Variants in SRL observed in about 807,000 individuals in gnomAD.
SRL encodes the protein sarcalumenin.
In SRL, 23 loss-of-function variants were observed where a neutral mutation model predicts 39.5. The ratio of observed to expected loss-of-function variants is 0.58; its 90% CI spans 0.42 to 0.82. The LOEUF (loss-of-function observed/expected upper bound fraction) is 0.82, where lower values mean the gene tolerates loss of function less well. Among genes scored for constraint, SRL ranks in the 40% least tolerant of loss-of-function variants. SRL has a pLI of 0.00. For missense variants in SRL, 592 were observed against 607.8 expected (o/e 0.97, Z 0.27); for synonymous variants, 272 against 237.4 (o/e 1.15, Z -1.34).
intron 1 of SRL, among the ~76,000 whole-genome samples, chr16:4,230,528 G>A (rs890018169): frequency 7.3e-5 from 11 of 151,688 alleles, no homozygotes; most frequent in Admixed American, 7.2e-4. Context: ...TTACAGGCGG[G>A]CACCACTATG....
chr16:4,210,279 T>G (rs1485645386), intron 1 of SRL, among the ~76,000 whole-genome samples: 1 of 152,092 alleles, frequency 6.6e-6, no homozygotes, highest in Admixed American at 6.6e-5. Context: ...CAGAAAAATC[T>G]ATGGTGGGAA....
chr16:4,236,733 T>A (rs2052717987), intron 1 of SRL, among the ~76,000 whole-genome samples: 1 of 152,072 alleles, frequency 6.6e-6, no homozygotes, highest in South Asian at 2.1e-4. Context: ...AACCTCTGCC[T>A]CCCGGGTACA....
chr16:4,211,739 A>C (rs1240470765), intron 1 of SRL, among the ~76,000 whole-genome samples: 1 of 149,552 alleles, frequency 6.7e-6, no homozygotes, highest in African/African-American at 2.5e-5. Context: ...GATGATGAGG[A>C]TCGTGATGAT....
intron 1 of SRL, among the ~76,000 whole-genome samples, chr16:4,223,231 CAAAAA>C (rs34513855): frequency 1.9e-4 from 18 of 96,162 alleles, no homozygotes; most frequent in African/African-American, 5.8e-4. Context: ...AACTCTGTCT[CAAAAA>C]AAAAAAAAAA....
intron 1 of SRL, among the ~76,000 whole-genome samples, chr16:4,210,366 T>A (rs1185536570): frequency 2.6e-5 from 4 of 152,172 alleles, no homozygotes; most frequent in Non-Finnish European, 2.9e-5. Flanking sequence ...CATCTGTATG[T>A]ACATATCTGA....
At position 4,228,560 on chromosome 16, in the gene SRL, C is replaced by T. The variant is rs578063228; in HGVS notation, c.61+13447G>A. ...ACCATCCTGGCTAACACGGTGAAAC[C>T]CCGTCTCTACTAAAAATACAAAAAA... On this transcript the variant is annotated intron_variant, in intron 1 of 5. Transcript: ENST00000399609. Among the ~76,000 whole-genome samples, 3 of 151,864 alleles carry T rather than the reference C, an allele frequency of 2.0e-5. No individual in the cohort carries two copies. The South Asian group carries it at 6.2e-4, about 32-fold the overall frequency.
At chr16:4,234,904 T>G (rs535695946) in intron 1 of SRL, among the ~76,000 whole-genome samples, 70 of 152,238 alleles carry the variant, frequency 4.6e-4, no homozygotes, top group Non-Finnish European at 8.1e-4. Context: ...AGACCTTGCC[T>G]GCCAAATGGG....
At chr16:4,215,626 A>T (rs1469111670) in intron 1 of SRL, among the ~76,000 whole-genome samples, 1 of 152,190 alleles carries the variant, frequency 6.6e-6, no homozygotes. Flanking sequence ...CCAGCCAATA[A>T]GAGGGTCTAA....
rs1010093689 is a variant in SRL at position 4,204,548 on chromosome 16, A to G, written c.148T>C (p.Ser50Pro). 13 of 1,591,140 alleles carry G rather than the reference A, an allele frequency of 8.2e-6. No homozygotes were observed. The highest frequency in any genetic ancestry group is 1.1e-5 in the Non-Finnish European group (13 of 1,168,474). The change falls in exon 2 of 6, where the codon TCC (serine) becomes CCC (proline). Residue 50 changes from serine (S) to proline (P), a missense_variant. Transcript: ENST00000399609. ...CCCTGGTTACCAGAGTAGTCATCGGATGGCTTGTCCTCATTCAGCATGAGG... is the reference window on the plus strand; with the variant it reads ...CCCTGGTTACCAGAGTAGTCATCGGGTGGCTTGTCCTCATTCAGCATGAGG... ...KTLMLNEDKPSDDYSAVLQRL... is the reference protein window; with the variant it reads ...KTLMLNEDKPPDDYSAVLQRL...
intron 1 of SRL, among the ~76,000 whole-genome samples, chr16:4,210,552 G>A (rs1597279824): frequency 7.4e-6 from 1 of 134,496 alleles, no homozygotes; most frequent in Non-Finnish European, 1.5e-5. Context: ...TGCAGTGAAC[G>A]CGATCTCGGT....
At chr16:4,204,238 T>C (rs1043330584) in intron 2 of SRL, among the ~76,000 whole-genome samples, 3 of 152,186 alleles carry the variant, frequency 2.0e-5, no homozygotes, top group African/African-American at 7.2e-5. Flanking sequence ...CAGCACAGCA[T>C]GGGGCTGCAC....
At chr16:4,195,818 C>T (rs2052132818) in intron 4 of SRL, 32 bp from the exon 5 acceptor site, 1 of 1,570,050 alleles carries the variant, frequency 6.4e-7, no homozygotes. Context: ...TGAAGGAATA[C>T]ATGATCTCTG....
At chr16:4,234,058 A>T (rs971168994) in intron 1 of SRL, among the ~76,000 whole-genome samples, 13 of 151,888 alleles carry the variant, frequency 8.6e-5, no homozygotes. Context: ...ATAGTGGTAC[A>T]ATCTTGGCTC....
intron 3 of SRL, among the ~76,000 whole-genome samples, chr16:4,201,299 T>C (rs1030043652): frequency 2.6e-5 from 4 of 151,204 alleles, no homozygotes; most frequent in African/African-American, 9.7e-5. Context: ...TTTTTTGAGA[T>C]GGAGTCTCAC....
At chr16:4,201,320 A>T (rs1305717100) in intron 3 of SRL, among the ~76,000 whole-genome samples, 1 of 152,090 alleles carries the variant, frequency 6.6e-6, no homozygotes, top group African/African-American at 2.4e-5. Flanking sequence ...TCTGTCACCC[A>T]GGCTGGAGTG....
At chr16:4,223,782 T>C (rs2052557091) in intron 1 of SRL, among the ~76,000 whole-genome samples, 1 of 152,086 alleles carries the variant, frequency 6.6e-6, no homozygotes, top group Non-Finnish European at 1.5e-5. Flanking sequence ...GGAGCCAATC[T>C]AAGCCCATCT....
chr16:4,193,317 G>A (rs1597263892), intron 5 of SRL, among the ~76,000 whole-genome samples: 1 of 152,160 alleles, frequency 6.6e-6, no homozygotes, highest in East Asian at 1.9e-4. Context: ...ATAGGCGTGA[G>A]CCACCATGCC....
chr16:4,224,039 A>T (rs901609090), intron 1 of SRL, among the ~76,000 whole-genome samples: 2 of 152,082 alleles, frequency 1.3e-5, no homozygotes, highest in African/African-American at 4.8e-5. Flanking sequence ...GGGCCCTCAC[A>T]GCAACTACCA....
At chr16:4,211,159 G>T (rs1348186649) in intron 1 of SRL, among the ~76,000 whole-genome samples, 1 of 141,848 alleles carries the variant, frequency 7.0e-6, no homozygotes. Flanking sequence ...CCAGCATCAT[G>T]ATTAAAAAAA....
Sources: allele counts gnomAD v4.1 joint callset (sites outside exome capture counted in the v4.1 genomes callset), GRCh38; gene constraint gnomAD v4.1.1; transcripts MANE v1.5; gene names NCBI Gene and HGNC (gene_info 2026-07-23, HGNC 2026-07-21).